The following MTPAP variants were observed in gnomAD, a reference collection of about 807,000 sequenced individuals.
MTPAP encodes poly(A) RNA polymerase, mitochondrial.
A neutral mutation model predicts 48.7 loss-of-function variants in MTPAP; 23 were observed. The ratio of observed to expected loss-of-function variants is 0.47; its 90% CI spans 0.34 to 0.67. The LOEUF (loss-of-function observed/expected upper bound fraction) is 0.67. Ranked by LOEUF, MTPAP falls within the 30% of genes least tolerant of loss-of-function variation. The pLI, the probability that MTPAP is intolerant of heterozygous loss-of-function variation, is 0.01. For synonymous variants in MTPAP, 257 were observed against 254.1 expected, an observed-to-expected ratio of 1.01 and a Z score of -0.11; for missense variants, 614 against 694.3, an observed-to-expected ratio of 0.88 and a Z score of 1.30.
At chr10:30,338,992 G>A (rs1397629538) in intron 3 of MTPAP, among the ~76,000 whole-genome samples, 2 of 151,946 alleles carry the variant, frequency 1.3e-5, no homozygotes, top group East Asian at 1.9e-4. Context: ...GCATGGTGGT[G>A]GGCGCCTGTA....
At chr10:30,319,737 C>T (rs1331283157) in intron 6 of MTPAP, among the ~76,000 whole-genome samples, 1 of 152,142 alleles carries the variant, frequency 6.6e-6, no homozygotes, top group Non-Finnish European at 1.5e-5. Flanking sequence ...TGATGGAAGG[C>T]AAAAAGTGTA....
At chr10:30,334,419 G>A (rs1001143488) in intron 4 of MTPAP, among the ~76,000 whole-genome samples, 23 of 152,076 alleles carry the variant, frequency 1.5e-4, no homozygotes, top group African/African-American at 4.1e-4. Context: ...CCAGCACTTC[G>A]GGAGGCCAAG....
intron 2 of MTPAP, 110 bp downstream of exon 2, chr10:30,341,358 A>G: frequency 7.2e-7 from 1 of 1,392,820 alleles, no homozygotes; most frequent in Non-Finnish European, 9.6e-7. Flanking sequence ...CAGTATATCA[A>G]AGAGAACCTA....
intron 6 of MTPAP, among the ~76,000 whole-genome samples, chr10:30,319,840 A>AT (rs1204901395): frequency 6.6e-6 from 1 of 152,266 alleles, no homozygotes; most frequent in Non-Finnish European, 1.5e-5. Flanking sequence ...CTCTTACCGT[A>AT]TTTAAAAACT....
chr10:30,316,668 T>C (rs1840666357), intron 6 of MTPAP, among the ~76,000 whole-genome samples: 1 of 150,116 alleles, frequency 6.7e-6, no homozygotes, highest in South Asian at 2.1e-4. Context: ...GGCGGGTAGA[T>C]CACCTGAGGT....
intron 8 of MTPAP, among the ~76,000 whole-genome samples, chr10:30,315,701 G>A (rs1189284061): frequency 2.6e-5 from 4 of 152,166 alleles, no homozygotes; most frequent in African/African-American, 9.7e-5. Context: ...GAGGGATACA[G>A]TATTACACTA....
intron 3 of MTPAP, among the ~76,000 whole-genome samples, chr10:30,338,241 C>G (rs1834752087): frequency 6.6e-6 from 1 of 152,050 alleles, no homozygotes; most frequent in Non-Finnish European, 1.5e-5. Flanking sequence ...GCCTGGGCAA[C>G]AGAGCAAGAC....
At chr10:30,332,293 G>A (rs116341668) in intron 4 of MTPAP, among the ~76,000 whole-genome samples, 1 of 152,212 alleles carries the variant, frequency 6.6e-6, no homozygotes, top group African/African-American at 2.4e-5. Flanking sequence ...GCCAAGTTCT[G>A]GTTATTTCTG....
In MTPAP at chr10:30,322,544, T is replaced by C; in HGVS notation, c.1066A>G (p.Ser356Gly). The change falls in exon 6 of 9, where the codon AGT becomes GGT. Residue 356 changes from serine to glycine, a missense_variant. Ser to Gly is a moderately conservative substitution (Grantham distance 56). This residue lies in a region of MTPAP where 261 missense variants were observed against 355.4 expected (regional missense o/e 0.73). Transcript: ENST00000263063. ...TGTGCTCGAGCCCAGCACCGTACAC[T>C]GAACACCAAGGCTCTCACTCTTGAG... ...LDSRVRALVF[S>G]VRCWARAHSL... 1.2e-6 allele frequency: 2 copies of C among 1,614,114 alleles called. No individual in the cohort carries two copies. Among genetic ancestry groups the C allele is most frequent in the Non-Finnish European group, 1.7e-6 (2 of 1,179,984 alleles).
At chr10:30,327,976 C>T (rs192786504) in intron 4 of MTPAP, among the ~76,000 whole-genome samples, 74 of 151,904 alleles carry the variant, frequency 4.9e-4, no homozygotes, top group Middle Eastern at 6.8e-3. Context: ...GATTCTGTAA[C>T]CATGACATAA....
chr10:30,349,161 C>G lies in MTPAP; in HGVS notation c.115G>C (p.Asp39His). 1 of 1,612,754 alleles carries G rather than the reference C, an allele frequency of 6.2e-7. No homozygotes were observed. Among genetic ancestry groups the G allele is most frequent in the African/African-American group, 1.3e-5 (1 of 74,770 alleles). The change falls in exon 1 of 9, where the codon GAC (aspartate) becomes CAC (histidine). Residue 39 changes from aspartate (D) to histidine (H), a missense_variant. Transcript: ENST00000263063. ...LLSCPGTVAK[D>H]LRRDEQPSGS... ...GAAGGCTGCTCGTCTCTCCTAAGGT[C>G]TTTGGCCACAGTTCCTGGGCAACTC...
chr10:30,329,334 C>T (rs1050392349), intron 4 of MTPAP, among the ~76,000 whole-genome samples: 2 of 152,058 alleles, frequency 1.3e-5, no homozygotes, highest in African/African-American at 2.4e-5. Flanking sequence ...CTCAAGCAAT[C>T]CTCCAGCCTC....
At chr10:30,323,878 G>A (rs910389568) in intron 5 of MTPAP, among the ~76,000 whole-genome samples, 116 of 152,248 alleles carry the variant, frequency 7.6e-4, no homozygotes, top group African/African-American at 2.6e-3. Context: ...ACACAAAGGC[G>A]CTTTATAATT....
At position 30,340,833 on chromosome 10, in the gene MTPAP, C is replaced by T. The variant is rs143258893; in HGVS notation, c.331-383G>A. On this transcript the variant is annotated intron_variant, in intron 2 of 8. Transcript: ENST00000263063. The stretch of plus-strand genomic sequence containing the variant: ...ACTTGGAAGGCTGAGGCAGGAGAAT[C>T]GCTTGAACCCAAGAGACGGAGGTTG... Among the ~76,000 whole-genome samples the T allele has an allele frequency of 6.1e-3, 930 of 152,064 alleles. 7 individuals carry two copies. Among genetic ancestry groups the T allele is most frequent in the African/African-American group, 0.021 (879 of 41,516 alleles).
In MTPAP at chr10:30,312,194, AT is replaced by A. The variant is rs1420453968; in HGVS notation, c.*1414del. 1 of 152,194 alleles carries A rather than the reference AT, an allele frequency of 6.6e-6. No individual in the cohort carries two copies. Among genetic ancestry groups the A allele is most frequent in the Non-Finnish European group, 1.5e-5 (1 of 68,042 alleles). The allele number at this position is 152,194 out of a possible 1,614,324, so 9.4% of individuals were successfully genotyped here. A position where few individuals can be genotyped will look rare whatever the true frequency, so the allele number is the denominator to read the frequency against. ...CCACAGAGAATGTAATGGAAATTAAATTTCAATATACAGTTGCCCATTGAAC... is the reference window on the plus strand; with the variant it reads ...CCACAGAGAATGTAATGGAAATTAAATTCAATATACAGTTGCCCATTGAAC... On this transcript the variant is annotated 3_prime_UTR_variant, in exon 9 of 9. Coordinates refer to ENST00000263063, the MANE Select transcript of MTPAP (RefSeq NM_018109.4).
intron 6 of MTPAP, among the ~76,000 whole-genome samples, chr10:30,316,933 CTATTCTT>C (rs1306613435): frequency 6.6e-6 from 1 of 152,002 alleles, no homozygotes; most frequent in Non-Finnish European, 1.5e-5. Context: ...AATTTCTACT[CTATTCTT>C]TATTTAAATC....
rs111335983 is a variant in MTPAP at position 30,322,943 on chromosome 10, C to T, written c.993-326G>A. ...CTTGAGGCCAGGAGTTCAAGGACAA[C>T]GAGGTGAAACCCCTTCTCTACTAAA... On this transcript the variant is annotated intron_variant, in intron 5 of 8. Coordinates refer to ENST00000263063, the MANE Select transcript of MTPAP (RefSeq NM_018109.4). 4.6e-3 allele frequency among the ~76,000 whole-genome samples: 694 copies of T among 151,456 alleles called. 3 individuals are homozygous for T. The highest frequency in any genetic ancestry group is 0.024 in the South Asian group (114 of 4,758).
chr10:30,316,287 G>C (rs1251933273), intron 6 of MTPAP, 77 bp from the exon 7 acceptor site: 4 of 1,132,790 alleles, frequency 3.5e-6, no homozygotes, highest in Non-Finnish European at 2.6e-6. Flanking sequence ...CTGTCATCCA[G>C]GCTGGAGTGT....
Position 30,336,962 on chromosome 10 carries a change from T to C in MTPAP, c.621A>G (p.Arg207=), listed in dbSNP as rs1588719350. 1 of 1,613,666 alleles carries C rather than the reference T, an allele frequency of 6.2e-7. No individual in the cohort carries two copies. The highest frequency in any genetic ancestry group is 8.5e-7 in the Non-Finnish European group (1 of 1,180,032). ...CTTCAATAAGAGAACAGGTGAGATA[T>C]CGGAGCTTAGTGTTCTCCTCTGTTA... ...FQLTEENTKL[R]YLTCSLIEDM... The change falls in exon 4 of 9, where the codon CGA becomes CGG. Residue 207 remains arginine (R), a synonymous_variant. Coordinates refer to ENST00000263063, the MANE Select transcript of MTPAP (RefSeq NM_018109.4).
Sources: allele counts gnomAD v4.1 joint callset (sites outside exome capture counted in the v4.1 genomes callset), GRCh38; gene constraint gnomAD v4.1.1; regional missense constraint gnomAD v4.1.1; transcripts MANE v1.5; gene names NCBI Gene and HGNC (gene_info 2026-07-23, HGNC 2026-07-21).